Variants in NEK5 observed in about 807,000 individuals in gnomAD.
The protein encoded by NEK5 is serine/threonine-protein kinase Nek5.
Under a neutral mutation model 109.2 loss-of-function variants are expected in NEK5, and 88 were observed. The observed-to-expected ratio is 0.81, with a 90% confidence interval of 0.68 to 0.96. The LOEUF (loss-of-function observed/expected upper bound fraction) is 0.96. Among genes scored for constraint, NEK5 ranks in the 40% least tolerant of loss-of-function variants. NEK5 has a pLI of 0.00. For synonymous variants in NEK5, 283 were observed against 299.9 expected (o/e 0.94, Z 0.58); for missense variants, 834 against 920.7 (o/e 0.91, Z 1.22).
intron 4 of NEK5, among the ~76,000 whole-genome samples, chr13:52,116,377 G>A (rs1955858055): frequency 6.6e-6 from 1 of 152,038 alleles, no homozygotes; most frequent in African/African-American, 2.4e-5. Context: ...TTAAATAAAT[G>A]TAAAAGAGCT....
At chr13:52,084,762 A>AGTGTGT (rs368429926) in intron 16 of NEK5, among the ~76,000 whole-genome samples, 1,076 of 47,428 alleles carry the variant, frequency 0.023, 31 homozygotes, top group Admixed American at 0.027. Flanking sequence ...AGAGAGAGAG[A>AGTGTGT]GTGTGTGTGT....
intron 17 of NEK5, among the ~76,000 whole-genome samples, chr13:52,080,018 G>A (rs1416110800): frequency 1.3e-5 from 2 of 151,186 alleles, no homozygotes; most frequent in South Asian, 4.2e-4. Context: ...GAGACCCTCC[G>A]CCTGGCAACC....
intron 22 of NEK5, among the ~76,000 whole-genome samples, chr13:52,057,989 T>C (rs1954577096): frequency 6.6e-6 from 1 of 152,012 alleles, no homozygotes; most frequent in South Asian, 2.1e-4. Context: ...GAGTATTCAA[T>C]TAGGAAAAGA....
At chr13:52,046,331 G>T (rs1392548790) in intron 23 of NEK5, among the ~76,000 whole-genome samples, 2 of 149,440 alleles carry the variant, frequency 1.3e-5, no homozygotes, top group East Asian at 3.9e-4. Context: ...AAAAAAAATA[G>T]CTGGGCATGG....
intron 3 of NEK5, among the ~76,000 whole-genome samples, chr13:52,123,373 T>C (rs1328908231): frequency 6.6e-6 from 1 of 152,152 alleles, no homozygotes; most frequent in South Asian, 2.1e-4. Context: ...ATTAGAAAAA[T>C]ATAGTCAATT....
chr13:52,076,683 G>A (rs1409758345), intron 17 of NEK5, among the ~76,000 whole-genome samples: 2 of 152,136 alleles, frequency 1.3e-5, no homozygotes, highest in Admixed American at 6.5e-5. Flanking sequence ...CATTCCTATG[G>A]ATTTAAATGC....
At chr13:52,044,800 C>G (rs1954442258) in intron 23 of NEK5, among the ~76,000 whole-genome samples, 1 of 152,048 alleles carries the variant, frequency 6.6e-6, no homozygotes, top group Admixed American at 6.6e-5. Flanking sequence ...AGAAGCATAA[C>G]CAGGTTGGAA....
intron 3 of NEK5, among the ~76,000 whole-genome samples, chr13:52,124,356 T>C (rs888512763): frequency 2.6e-5 from 4 of 152,240 alleles, no homozygotes; most frequent in African/African-American, 9.6e-5. Context: ...TTTGTACATA[T>C]ATGAACATAT....
intron 23 of NEK5, among the ~76,000 whole-genome samples, chr13:52,042,664 TGTG>T (rs1954423946): frequency 6.6e-6 from 1 of 151,944 alleles, no homozygotes; most frequent in Non-Finnish European, 1.5e-5. Context: ...AAAAGGGTTT[TGTG>T]GTGATTAAAA....
At chr13:52,123,534 C>G (rs1730922334) in intron 3 of NEK5, among the ~76,000 whole-genome samples, 1 of 152,088 alleles carries the variant, frequency 6.6e-6, no homozygotes, top group Admixed American at 6.6e-5. Context: ...CACAGTAGAG[C>G]AAGAGGGCCT....
chr13:52,112,425 T>C, intron 4 of NEK5, 60 bp from the exon 5 acceptor site: 1 of 1,125,562 alleles, frequency 8.9e-7, no homozygotes. Context: ...AGCCATGTTC[T>C]GGCTGTGGAA....
chr13:52,038,592 C>T (rs548337632), intron 23 of NEK5, among the ~76,000 whole-genome samples: 13 of 152,120 alleles, frequency 8.5e-5, no homozygotes, highest in African/African-American at 2.4e-4. Flanking sequence ...AGGTGAGCAC[C>T]ACTATGCCCA....
intron 8 of NEK5, among the ~76,000 whole-genome samples, chr13:52,105,390 AT>A (rs969457836): frequency 1.6e-4 from 24 of 149,880 alleles, no homozygotes; most frequent in African/African-American, 2.4e-4. Context: ...TTTTTTAATA[AT>A]TTTTTTTTTC....
At chr13:52,110,681 C>CACAT in intron 5 of NEK5, 104 bp from the exon 6 acceptor site, 1 of 659,424 alleles carries the variant, frequency 1.5e-6, no homozygotes, top group African/African-American at 1.8e-5. Flanking sequence ...CACACACACA[C>CACAT]ACATACACAC....
chr13:52,084,452 C>G (rs966634358), intron 16 of NEK5, among the ~76,000 whole-genome samples: 2 of 152,084 alleles, frequency 1.3e-5, no homozygotes, highest in Admixed American at 1.3e-4. Flanking sequence ...CTCCTGGGCT[C>G]AAGCGATCCT....
intron 20 of NEK5, among the ~76,000 whole-genome samples, chr13:52,069,188 A>G (rs1954744809): frequency 1.3e-5 from 2 of 152,028 alleles, no homozygotes; most frequent in Admixed American, 1.3e-4. Context: ...AAAGATAACC[A>G]TTGAATTTAC....
At position 52,102,158 on chromosome 13, in the gene NEK5, T is replaced by C. The variant is rs1458504632; in HGVS notation, c.744A>G (p.Pro248=). The change falls in exon 10 of 24, where the codon CCA becomes CCG. Residue 248 remains proline, a synonymous_variant. Transcript: ENST00000684899. ...QLFQVSPRDR[P]SINSILKRPF... ...GCCTTTTCAAAATGGAATTTATGGA[T>C]GGTCGGTCTCGAGGAGATACTTGAA... is the stretch of plus-strand genomic sequence containing the variant. 1 of 1,613,852 alleles carries C rather than the reference T, an allele frequency of 6.2e-7. No homozygotes were observed. The highest frequency in any genetic ancestry group is 8.5e-7 in the Non-Finnish European group (1 of 1,179,880).
intron 13 of NEK5, 29 bp downstream of exon 13, chr13:52,093,025 C>T (rs765679945): frequency 2.0e-6 from 3 of 1,467,518 alleles, no homozygotes; most frequent in Non-Finnish European, 2.8e-6. Context: ...TTTAGATTAA[C>T]CAAAGCTTAA....
intron 14 of NEK5, among the ~76,000 whole-genome samples, chr13:52,087,806 C>T (rs940998358): frequency 1.0e-4 from 15 of 150,492 alleles, no homozygotes; most frequent in South Asian, 4.2e-4. Flanking sequence ...TTTGTATTTT[C>T]AGTAGAGACA....
Sources: gnomAD v4.1 joint callset for allele counts (sites outside exome capture counted in the v4.1 genomes callset) on GRCh38, gnomAD v4.1.1 for gene constraint, MANE v1.5 for transcripts, NCBI Gene and HGNC (gene_info 2026-07-23, HGNC 2026-07-21) for gene names.